The following KLF12 variants were observed in gnomAD, a reference collection of about 807,000 sequenced individuals.
The protein encoded by KLF12 is KLF transcription factor 12, also known as Krueppel-like factor 12.
In KLF12, 9 loss-of-function variants were observed where a neutral mutation model predicts 37.8. The ratio of observed to expected loss-of-function variants is 0.24; its 90% CI spans 0.14 to 0.42. KLF12 has a LOEUF of 0.42. KLF12 is among the 10% of genes least tolerant of loss of function. KLF12 has a pLI of 1.00. For synonymous variants in KLF12, 208 were observed against 202.1 expected, an observed-to-expected ratio of 1.03 and a Z score of -0.25; for missense variants, 411 against 516.0, an observed-to-expected ratio of 0.80 and a Z score of 1.97.
chr13:74,121,979 T>C (rs933107333), intron 1 of KLF12, among the ~76,000 whole-genome samples: 3 of 151,950 alleles, frequency 2.0e-5, no homozygotes, highest in African/African-American at 7.2e-5. Flanking sequence ...AAATTCCAAA[T>C]AGATTAAAGA....
chr13:73,749,998 A>T (rs1471495561), intron 6 of KLF12, among the ~76,000 whole-genome samples: 3 of 152,204 alleles, frequency 2.0e-5, no homozygotes, highest in Non-Finnish European at 4.4e-5. Context: ...CTTGCCCCAG[A>T]TCACATAATT....
chr13:73,891,781 T>C (rs1463565284), intron 3 of KLF12, among the ~76,000 whole-genome samples: 1 of 152,118 alleles, frequency 6.6e-6, no homozygotes, highest in Non-Finnish European at 1.5e-5. Flanking sequence ...AAACTACAGT[T>C]TTCCTATAAC....
chr13:73,797,762 C>T (rs1271720837), intron 5 of KLF12, among the ~76,000 whole-genome samples: 2 of 122,126 alleles, frequency 1.6e-5, no homozygotes, highest in African/African-American at 6.5e-5. Context: ...AGAGCAAGAT[C>T]CTGTCTCAAA....
chr13:73,981,818 C>T (rs1253853664), intron 2 of KLF12, among the ~76,000 whole-genome samples: 1 of 152,174 alleles, frequency 6.6e-6, no homozygotes, highest in African/African-American at 2.4e-5. Context: ...ACTGAATCTG[C>T]TGGAGAGTTC....
In KLF12 at chr13:73,695,138, T is replaced by C; in HGVS notation, c.*352A>G. The C allele has an allele frequency of 4.9e-6, 1 of 205,410 alleles. No homozygotes were observed. The highest frequency in any genetic ancestry group is 9.9e-6 in the Non-Finnish European group (1 of 101,454). 12.7% of individuals were successfully genotyped at this position (205,410 alleles called of 1,614,324 possible). On this transcript the variant is annotated 3_prime_UTR_variant, in exon 8 of 8. Transcript: ENST00000377669. ...TAAAAGGTCTTGCTCTAGCCATCAA[T>C]TTGTGGTAGGTGACCTTTAAGGTAT...
chr13:74,262,719 T>C, the KLF12 span, among the ~76,000 whole-genome samples: 1 of 152,278 alleles, frequency 6.6e-6, no homozygotes, highest in East Asian at 1.9e-4. Flanking sequence ...CCCACAGATG[T>C]AGAGGATCAA....
chr13:74,025,855 G>C (rs1479932328), intron 1 of KLF12, among the ~76,000 whole-genome samples: 2 of 152,064 alleles, frequency 1.3e-5, no homozygotes, highest in African/African-American at 2.4e-5. Context: ...AGATACAAAG[G>C]CATCTTAACT....
chr13:73,738,112 T>TATGTGTAC (rs1877631908), intron 6 of KLF12, among the ~76,000 whole-genome samples: 1 of 74,758 alleles, frequency 1.3e-5, no homozygotes, highest in Non-Finnish European at 2.7e-5. Flanking sequence ...TATATATATA[T>TATGTGTAC]ATATATATAT....
chr13:73,710,897 G>A (rs1182700153), intron 7 of KLF12, among the ~76,000 whole-genome samples: 1 of 152,176 alleles, frequency 6.6e-6, no homozygotes, highest in African/African-American at 2.4e-5. Context: ...TAGGCCTCTT[G>A]AGCCAGTTAG....
chr13:74,232,924 C>A, the KLF12 span, among the ~76,000 whole-genome samples: 2 of 152,026 alleles, frequency 1.3e-5, no homozygotes, highest in Non-Finnish European at 2.9e-5. Context: ...CTTGCTCTGT[C>A]GCCCAGGCTG....
the KLF12 span, among the ~76,000 whole-genome samples, chr13:74,167,818 T>C: frequency 6.6e-6 from 1 of 152,224 alleles, no homozygotes; most frequent in Non-Finnish European, 1.5e-5. Flanking sequence ...CCTCATTAAA[T>C]GGGAGCAAAC....
the KLF12 span, among the ~76,000 whole-genome samples, chr13:74,276,014 G>C: frequency 6.7e-6 from 1 of 150,186 alleles, no homozygotes; most frequent in Non-Finnish European, 1.5e-5. Context: ...AGAACGTGCA[G>C]GTTTCTTACA....
At chr13:73,737,183 T>C (rs2137851831) in intron 6 of KLF12, among the ~76,000 whole-genome samples, 1 of 152,344 alleles carries the variant, frequency 6.6e-6, no homozygotes, top group East Asian at 1.9e-4. Flanking sequence ...GAGCTTAATG[T>C]ATTAAATGTG....
chr13:73,781,078 G>A lies in KLF12; in HGVS notation c.807-16078C>T, dbSNP rs142986585. ...AACCTTCAGCAACCACCACACTGAT[G>A]AGTCAGTCTTCAGAGGGTCATAATG... On this transcript the variant is annotated intron_variant, in intron 5 of 7. Coordinates refer to ENST00000377669, the MANE Select transcript of KLF12 (RefSeq NM_007249.5). Among the ~76,000 whole-genome samples the A allele has an allele frequency of 1.3e-3, 200 of 152,336 alleles. 2 individuals carry two copies. The highest frequency in any genetic ancestry group is 4.5e-3 in the African/African-American group (189 of 41,574).
the KLF12 span, among the ~76,000 whole-genome samples, chr13:74,222,325 A>G: frequency 6.6e-6 from 1 of 152,210 alleles, no homozygotes; most frequent in South Asian, 2.1e-4. Flanking sequence ...TTTGAAAAAT[A>G]GTTTATGGTT....
rs141808493 is a variant in KLF12 at position 73,848,696 on chromosome 13, T to C, written c.124-2323A>G. On this transcript the variant is annotated intron_variant, in intron 3 of 7. Coordinates refer to ENST00000377669, the MANE Select transcript of KLF12 (RefSeq NM_007249.5). ...CAAATATTAAGAGCCCCTAGGTACT[T>C]TGAGACACTTAAGAATTACATGGCT... Among the ~76,000 whole-genome samples the C allele has an allele frequency of 8.8e-4, 133 of 151,874 alleles. 2 individuals carry two copies. The highest frequency in any genetic ancestry group is 1.7e-3 in the Non-Finnish European group (116 of 67,944).
the KLF12 span, among the ~76,000 whole-genome samples, chr13:74,166,782 A>G: frequency 1.3e-5 from 2 of 152,180 alleles, no homozygotes; most frequent in African/African-American, 4.8e-5. Context: ...ACAGTAGTTC[A>G]TTGGTATTCT....
the KLF12 span, among the ~76,000 whole-genome samples, chr13:74,202,466 A>G: frequency 5.3e-5 from 8 of 151,890 alleles, no homozygotes; most frequent in Non-Finnish European, 1.0e-4. Flanking sequence ...CCCCACCCCT[A>G]CCTGTGTTAG....
At chr13:73,867,620 AAC>A (rs1217364592) in intron 3 of KLF12, among the ~76,000 whole-genome samples, 2 of 150,128 alleles carry the variant, frequency 1.3e-5, no homozygotes, top group Non-Finnish European at 3.0e-5. Context: ...AAAAAAAATT[AAC>A]AAACTTATCT....
Sources: gnomAD v4.1 joint callset for allele counts (sites outside exome capture counted in the v4.1 genomes callset) on GRCh38, gnomAD v4.1.1 for gene constraint, MANE v1.5 for transcripts, NCBI Gene and HGNC (gene_info 2026-07-23, HGNC 2026-07-21) for gene names.